LYST: variants seen among roughly 807,000 people sequenced by gnomAD.
LYST encodes lysosomal trafficking regulator.
LYST carries 192 observed loss-of-function variants against 413.6 expected under a neutral mutation model. The ratio of observed to expected loss-of-function variants is 0.46; its 90% CI spans 0.41 to 0.52. The LOEUF is 0.52. Among genes scored for constraint, LYST ranks in the 20% least tolerant of loss-of-function variants. LYST has a pLI of 0.00. For synonymous variants in LYST, 1,525 were observed against 1,567.3 expected (o/e 0.97, Z 0.64); for missense variants, 3,815 against 4,499.9 (o/e 0.85, Z 4.35).
chr1:235,669,148 G>A (rs976498631), intron 50 of LYST, among the ~76,000 whole-genome samples: 1 of 152,180 alleles, frequency 6.6e-6, no homozygotes, highest in African/African-American at 2.4e-5. Context: ...TCTTCTGTAT[G>A]CTAATGAGAT....
intron 16 of LYST, among the ~76,000 whole-genome samples, chr1:235,778,366 ATTATTTAT>A (rs549269197): frequency 1.3e-5 from 2 of 150,400 alleles, no homozygotes; most frequent in Non-Finnish European, 3.0e-5. Context: ...GATTATTCTT[ATTATTTAT>A]TTATTTATTT....
chr1:235,734,630 T>C lies in LYST; in HGVS notation c.8388A>G (p.Ser2796=). Residue 2796 remains serine (S), a synonymous_variant, in exon 32 of 53, where the codon TCA becomes TCG. Transcript: ENST00000389793. ...QHGAKLVLYL[S]ELIHNHQGEL... ...CACCTTGGTGATTATGTATCAACTC[T>C]GACAAATACAAAACTAACTTGGCTC... is the stretch of plus-strand genomic sequence containing the variant. 6.2e-7 allele frequency: 1 copy of C among 1,611,296 alleles called. No homozygotes were observed. The highest frequency in any genetic ancestry group is 1.1e-5 in the South Asian group (1 of 90,414).
rs1302494546 is a variant in LYST at position 235,805,930 on chromosome 1, T to C, written c.3206A>G (p.His1069Arg). ...ADSLGKLELQ[H>R]ISSINVEEVS... ...TTCTTCCACATTTATGGAAGAAATA[T>C]GCTGTAACTCTAATTTACCTAAACT... The change falls in exon 6 of 53, where the codon CAT becomes CGT. Residue 1069 changes from histidine (H) to arginine (R), a missense_variant. This residue lies in a region of LYST where 1,648 missense variants were observed against 1,810.3 expected (regional missense o/e 0.91). Coordinates refer to ENST00000389793, the MANE Select transcript of LYST (RefSeq NM_000081.4). The C allele has an allele frequency of 6.2e-7, 1 of 1,613,842 alleles. No homozygotes were observed. The highest frequency in any genetic ancestry group is 1.3e-5 in the African/African-American group (1 of 74,912).
intron 17 of LYST, among the ~76,000 whole-genome samples, chr1:235,775,929 A>G (rs1343996556): frequency 2.0e-5 from 3 of 152,168 alleles, no homozygotes; most frequent in Non-Finnish European, 4.4e-5. Flanking sequence ...CAAGGTTTAT[A>G]AGTTTTAGAC....
intron 31 of LYST, 23 bp downstream of exon 31, chr1:235,741,399 C>T: frequency 6.3e-7 from 1 of 1,578,092 alleles, no homozygotes; most frequent in Non-Finnish European, 8.7e-7. Context: ...TTTTACTTCT[C>T]TTATCAAAGC....
At chr1:235,712,988 C>G (rs1662527243) in intron 42 of LYST, 1 of 985,428 alleles carries the variant, frequency 1.0e-6, no homozygotes, top group Middle Eastern at 5.2e-4. Flanking sequence ...ATTGCATCAT[C>G]TAAAACTCCT....
At chr1:235,783,592 T>C (rs1365090444) in intron 14 of LYST, among the ~76,000 whole-genome samples, 1 of 152,096 alleles carries the variant, frequency 6.6e-6, no homozygotes, top group Non-Finnish European at 1.5e-5. Context: ...GGCACATGTA[T>C]ACCTATGTAA....
intron 2 of LYST, among the ~76,000 whole-genome samples, chr1:235,833,253 G>A (rs1342875053): frequency 6.6e-6 from 1 of 151,246 alleles, no homozygotes; most frequent in African/African-American, 2.4e-5. Flanking sequence ...ATGATTGCAC[G>A]GTATTTTCTT....
At chr1:235,857,579 G>T (rs2103135008) in intron 1 of LYST, among the ~76,000 whole-genome samples, 1 of 152,062 alleles carries the variant, frequency 6.6e-6, no homozygotes, top group Non-Finnish European at 1.5e-5. Flanking sequence ...ACATGAAGGA[G>T]CTGGCAAAGA....
rs761310425 is a variant in LYST, at chr1:235,787,386, A to C, written c.4689-13T>G. 17 of 1,611,880 alleles carry C rather than the reference A, an allele frequency of 1.1e-5. No individual in the cohort carries two copies. In the Admixed American group the frequency reaches 2.8e-4, roughly 27 times the overall value. On this transcript the variant is annotated splice_polypyrimidine_tract_variant and intron_variant, in intron 13 of 52. Transcript: ENST00000389793. ...ATCCATGCACACACTACAGAAAAAGAGAAAAGGCATAGGCTGAAAACATGA... is the reference window on the plus strand; with the variant it reads ...ATCCATGCACACACTACAGAAAAAGCGAAAAGGCATAGGCTGAAAACATGA...
At chr1:235,798,893 T>A (rs1280928129) in intron 10 of LYST, among the ~76,000 whole-genome samples, 1 of 152,120 alleles carries the variant, frequency 6.6e-6, no homozygotes, top group Admixed American at 6.6e-5. Flanking sequence ...TTGGGGGTGA[T>A]GAAAATGTTC....
At position 235,806,030 on chromosome 1, in the gene LYST, C is replaced by G. The variant is rs1377296013; in HGVS notation, c.3106G>C (p.Glu1036Gln). Residue 1036 changes from glutamate to glutamine, a missense_variant, in exon 6 of 53, where the codon GAA becomes CAA. This residue lies in a region of LYST where 1,648 missense variants were observed against 1,810.3 expected (regional missense o/e 0.91). Coordinates refer to ENST00000389793, the MANE Select transcript of LYST (RefSeq NM_000081.4). The stretch of plus-strand genomic sequence containing the variant: ...TTTATAGCCAAAGATAATAAATCTT[C>G]CTTCATAGTTCTCTTAGGTTGAGAA... ...RISQPKRTMK[E>Q]DLLSLAIKSD... 3 of 1,613,772 alleles carry G rather than the reference C, an allele frequency of 1.9e-6. No homozygotes were observed. Among genetic ancestry groups the G allele is most frequent in the African/African-American group, 1.3e-5 (1 of 74,906 alleles).
chr1:235,831,119 T>G (rs1675922958), intron 2 of LYST, among the ~76,000 whole-genome samples: 2 of 152,234 alleles, frequency 1.3e-5, no homozygotes, highest in African/African-American at 2.4e-5. Flanking sequence ...GTTTCATCTC[T>G]GGGCTAAAAG....
chr1:235,858,443 T>C (rs1396374957), intron 1 of LYST, among the ~76,000 whole-genome samples: 1 of 152,232 alleles, frequency 6.6e-6, no homozygotes. Context: ...CCACCCATCA[T>C]TGGTCATTCT....
At chr1:235,728,201 G>T in intron 37 of LYST, 70 bp from the exon 38 acceptor site, 2 of 1,063,980 alleles carry the variant, frequency 1.9e-6, no homozygotes, top group South Asian at 1.3e-5. Flanking sequence ...TTTAATGCAT[G>T]GTCTCTGGAG....
chr1:235,757,871 G>A (rs1330348645), intron 23 of LYST, among the ~76,000 whole-genome samples: 2 of 149,934 alleles, frequency 1.3e-5, no homozygotes, highest in South Asian at 4.2e-4. Context: ...TACTTGAGAT[G>A]CTATTGGAAA....
intron 23 of LYST, among the ~76,000 whole-genome samples, chr1:235,758,607 C>T (rs1437055419): frequency 6.6e-6 from 1 of 152,228 alleles, no homozygotes; most frequent in Non-Finnish European, 1.5e-5. Context: ...CTAGAAATCA[C>T]TCCCACCTTC....
intron 4 of LYST, among the ~76,000 whole-genome samples, chr1:235,812,111 T>G (rs144861708): frequency 1.6e-4 from 25 of 152,300 alleles, no homozygotes; most frequent in African/African-American, 6.0e-4. Context: ...TAAAGTTTCA[T>G]GTACTTTATA....
At position 235,845,497 on chromosome 1, in the gene LYST, C is replaced by T. The variant is rs191944241; in HGVS notation, c.-97-11830G>A. ...GTGAGAAGCCTGCTGGCCAGAACTC[C>T]GGGGAGGGTGCAAATCCAGCTCGCA... On this transcript the variant is annotated intron_variant, in intron 1 of 52. Transcript: ENST00000389793. Among the ~76,000 whole-genome samples the T allele has an allele frequency of 3.6e-3, 548 of 152,258 alleles. 3 individuals are homozygous for T. Among genetic ancestry groups the T allele is most frequent in the African/African-American group, 0.013 (522 of 41,556 alleles).
Sources: gnomAD v4.1 joint callset for allele counts (sites outside exome capture counted in the v4.1 genomes callset) on GRCh38, gnomAD v4.1.1 for gene constraint, gnomAD v4.1.1 regional missense constraint, MANE v1.5 for transcripts, NCBI Gene and HGNC (gene_info 2026-07-23, HGNC 2026-07-21) for gene names.